Variants in NTRK1 observed in about 807,000 individuals in gnomAD.
NTRK1 encodes neurotrophic receptor tyrosine kinase 1, also known as high affinity nerve growth factor receptor.
Under a neutral mutation model 86.8 loss-of-function variants are expected in NTRK1, and 62 were observed. The ratio of observed to expected loss-of-function variants is 0.71; its 90% CI spans 0.58 to 0.88. The LOEUF is 0.88. Among genes scored for constraint, NTRK1 ranks in the 40% least tolerant of loss-of-function variants. The pLI is 0.00. For synonymous variants in NTRK1, 469 were observed against 456.6 expected (o/e 1.03, Z -0.35); for missense variants, 967 against 1,078.4 (o/e 0.90, Z 1.45).
At chr1:156,848,035 C>T (rs2102861824) in intron 2 of NTRK1, among the ~76,000 whole-genome samples, 1 of 152,218 alleles carries the variant, frequency 6.6e-6, no homozygotes, top group South Asian at 2.1e-4. Context: ...AATTCTTGGG[C>T]CCTGCTCAGG....
chr1:156,867,194 T>C (rs1434774353), intron 4 of NTRK1, among the ~76,000 whole-genome samples: 1 of 152,236 alleles, frequency 6.6e-6, no homozygotes, highest in African/African-American at 2.4e-5. Flanking sequence ...CCTGGATGAC[T>C]GTGTGTGTGC....
intron 2 of NTRK1, chr1:156,844,225 G>A: frequency 2.5e-6 from 4 of 1,613,952 alleles, no homozygotes; most frequent in African/African-American, 1.3e-5. Flanking sequence ...TGAGCAGCGT[G>A]AGCCCCACAG....
intron 16 of NTRK1, among the ~76,000 whole-genome samples, chr1:156,880,814 G>T (rs975797276): frequency 1.3e-5 from 2 of 152,184 alleles, no homozygotes; most frequent in Non-Finnish European, 2.9e-5. Flanking sequence ...AGGGAGGGGG[G>T]AAGAAGGGGA....
Position 156,864,755 on chromosome 1 carries a change from C to A in NTRK1, c.315C>A (p.Phe105Leu). 1.9e-6 allele frequency: 3 copies of A among 1,614,064 alleles called. No individual in the cohort carries two copies. Among genetic ancestry groups the A allele is most frequent in the African/African-American group, 1.3e-5 (1 of 75,022 alleles). Residue 105 changes from phenylalanine (F) to leucine (L), a missense_variant, in exon 3 of 17, where the codon TTC (phenylalanine) becomes TTA (leucine). By Grantham distance (22) the Phe-to-Leu change is conservative. Transcript: ENST00000524377. Reference protein sequence around the residue: ...NLTIVKSGLRFVAPDAFHFTP... With the variant: ...NLTIVKSGLRLVAPDAFHFTP... ...CCATCGTGAAGAGTGGTCTCCGTTT[C>A]GTGGCGCCAGATGCCTTCCATTTCA...
chr1:156,841,789 C>A (rs780240706), intron 1 of NTRK1: 1 of 1,614,148 alleles, frequency 6.2e-7, no homozygotes, highest in Non-Finnish European at 8.5e-7. Context: ...CGAGTCATCC[C>A]GAAGTCTGGA....
intron 2 of NTRK1, among the ~76,000 whole-genome samples, chr1:156,847,340 C>A (rs1655047686): frequency 6.6e-6 from 1 of 152,198 alleles, no homozygotes; most frequent in South Asian, 2.1e-4. Flanking sequence ...GGGCCAGAGG[C>A]AACTAGTGCT....
At position 156,864,387 on chromosome 1, in the gene NTRK1, G is replaced by A; in HGVS notation, c.246G>A (p.Leu82=). The change falls in exon 2 of 17, where the codon CTG becomes CTA. Residue 82 remains leucine, a synonymous_variant. Coordinates refer to ENST00000524377, the MANE Select transcript of NTRK1 (RefSeq NM_002529.4). The part of the protein sequence containing the change: ...YIENQQHLQH[L]ELRDLRGLGE... ...AGAACCAGCAGCATCTGCAGCATCT[G>A]GAGCTCCGTGATCTGAGGGGCCTGG... 1.2e-6 allele frequency: 2 copies of A among 1,614,176 alleles called. No individual in the cohort carries two copies. The highest frequency in any genetic ancestry group is 1.7e-6 in the Non-Finnish European group (2 of 1,180,022).
rs1345296565 is a variant in NTRK1, at chr1:156,868,636, GC to G, written c.708del (p.Thr237ArgfsTer2). 1 of 1,550,756 alleles carries G rather than the reference GC, an allele frequency of 6.4e-7. No individual in the cohort carries two copies. The highest frequency in any genetic ancestry group is 1.4e-5 in the African/African-American group (1 of 73,056). On this transcript the variant is annotated frameshift_variant, in exon 6 of 17. Transcript: ENST00000524377. LOFTEE classifies it high-confidence loss of function. ...GATCCTCACAGAGCTGGAGCAGTCA[GC>G]CACGGTGATGGTGAGAAGACCTTCG... Reference protein sequence around the residue: ...GWILTELEQSATVMKSGGLPS... With the variant: ...GWILTELEQSXTVMKSGGLPS...
rs924544018 is a variant in NTRK1, at chr1:156,841,991, G to A, written c.-63-90G>A. ...GGACAAGAGACTAAGATACAGGGTG[G>A]GGGTGACTTGCCAAGGGTCTCACAG... On this transcript the variant is annotated intron_variant, in intron 1 of 16. Transcript: ENST00000392302. 2.6e-6 allele frequency: 4 copies of A among 1,559,984 alleles called. No homozygotes were observed. In the African/African-American group the frequency reaches 5.4e-5, roughly 21 times the overall value.
At chr1:156,839,729 C>T (rs565137505) in intron 1 of NTRK1, among the ~76,000 whole-genome samples, 1 of 152,142 alleles carries the variant, frequency 6.6e-6, no homozygotes, top group African/African-American at 2.4e-5. Context: ...AAATACCTAC[C>T]CAGTGGACCG....
chr1:156,861,077 T>C lies in NTRK1; in HGVS notation c.143T>C (p.Leu48Pro), dbSNP rs760328863. 3 of 1,576,168 alleles carry C rather than the reference T, an allele frequency of 1.9e-6. No homozygotes were observed. The South Asian group carries it at 3.4e-5, about 18-fold the overall frequency. ...DACCPHGSSG[L>P]RCTRDGALDS... ...TGCTGCCCCCACGGCTCCTCGGGAC[T>C]GCGATGCACCCGGGATGGGGCCCTG... The change falls in exon 1 of 17, where the codon CTG (leucine) becomes CCG (proline). Residue 48 changes from leucine to proline, a missense_variant. Physicochemically the swap from Leu to Pro is moderately conservative, Grantham distance 98. Transcript: ENST00000524377.
At chr1:156,841,808 G>C in intron 1 of NTRK1, 1 of 1,614,140 alleles carries the variant, frequency 6.2e-7, no homozygotes, top group Non-Finnish European at 8.5e-7. Flanking sequence ...GAAAGTGAGG[G>C]TGAGGGTGGA....
At chr1:156,842,078 C>T (rs1654814161) in intron 1 of NTRK1, 3 of 1,612,818 alleles carry the variant, frequency 1.9e-6, no homozygotes, top group Admixed American at 1.7e-5. Flanking sequence ...CTCTACTTTT[C>T]AGGCCGCCCT....
chr1:156,875,853 T>C (rs1292079028), intron 12 of NTRK1, 187 bp downstream of exon 12: 3 of 1,087,926 alleles, frequency 2.8e-6, no homozygotes, highest in South Asian at 2.9e-5. Flanking sequence ...CTTAGCTGCA[T>C]CCCCTGCCCA....
chr1:156,877,437 T>C (rs1269926074), intron 14 of NTRK1, among the ~76,000 whole-genome samples: 1 of 152,250 alleles, frequency 6.6e-6, no homozygotes, highest in Admixed American at 6.5e-5. Flanking sequence ...TTCAGTGACT[T>C]GCCCAAGGGC....
chr1:156,816,040 G>C (rs776157082), intron 1 of NTRK1: 2 of 1,613,996 alleles, frequency 1.2e-6, no homozygotes, highest in Admixed American at 3.3e-5. Context: ...GCTCCTGCGG[G>C]TCATGTCTGT....
At chr1:156,823,652 C>T (rs1451603154) in intron 1 of NTRK1, among the ~76,000 whole-genome samples, 1 of 152,188 alleles carries the variant, frequency 6.6e-6, no homozygotes, top group South Asian at 2.1e-4. Flanking sequence ...TGTTTTCTCT[C>T]CCTGCTAAGG....
At chr1:156,867,765 C>T (rs1647251198) in intron 4 of NTRK1, among the ~76,000 whole-genome samples, 1 of 152,008 alleles carries the variant, frequency 6.6e-6, no homozygotes, top group Admixed American at 6.6e-5. Flanking sequence ...GCTCCGCCTC[C>T]TGGGTTCACG....
chr1:156,864,766 A>G lies in NTRK1; in HGVS notation c.326A>G (p.Asp109Gly), dbSNP rs141592864. ...AGTGGTCTCCGTTTCGTGGCGCCAG[A>G]TGCCTTCCATTTCACTCCTCGGCTC... ...VKSGLRFVAP[D>G]AFHFTPRLSR... Residue 109 changes from aspartate (D) to glycine (G), a missense_variant, in exon 3 of 17, where the codon GAT (aspartate) becomes GGT (glycine). Around this residue, in one of 2 missense-constraint regions of NTRK1, gnomAD observed 330 missense variants for 302.0 expected, o/e 1.09. Transcript: ENST00000524377. The G allele has an allele frequency of 3.3e-5, 53 of 1,614,014 alleles. No individual in the cohort carries two copies. The East Asian group carries it at 1.1e-3, about 35-fold the overall frequency.
Sources: gnomAD v4.1 joint callset for allele counts (sites outside exome capture counted in the v4.1 genomes callset) on GRCh38, gnomAD v4.1.1 for gene constraint, gnomAD v4.1.1 regional missense constraint, MANE v1.5 for transcripts, NCBI Gene and HGNC (gene_info 2026-07-23, HGNC 2026-07-21) for gene names.